MYBPC2: variants seen among roughly 807,000 people sequenced by gnomAD.
The protein encoded by MYBPC2 is myosin binding protein C2.
Under a neutral mutation model 137.0 loss-of-function variants are expected in MYBPC2, and 122 were observed. The ratio of observed to expected loss-of-function variants is 0.89; its 90% CI spans 0.77 to 1.03. The LOEUF (loss-of-function observed/expected upper bound fraction) is 1.03. Ranked by LOEUF, MYBPC2 falls within the 50% of genes least tolerant of loss-of-function variation. The probability of loss-of-function intolerance (pLI) is 0.00; values close to 1 mark genes in which losing one functional copy is unlikely to be tolerated. For synonymous variants in MYBPC2, 626 were observed against 612.3 expected, an observed-to-expected ratio of 1.02 and a Z score of -0.33; for missense variants, 1,500 against 1,534.4, an observed-to-expected ratio of 0.98 and a Z score of 0.37.
At chr19:50,453,531 T>G (rs1417252234) in intron 16 of MYBPC2, among the ~76,000 whole-genome samples, 1 of 151,938 alleles carries the variant, frequency 6.6e-6, no homozygotes. Flanking sequence ...GTTGTTTGGT[T>G]GGTTTCTTTT....
At position 50,465,827 on chromosome 19, in the gene MYBPC2, CAG is replaced by C. The variant is rs1224393425; in HGVS notation, c.3416-365_3416-364del. 2.0e-5 allele frequency among the ~76,000 whole-genome samples: 3 copies of C among 152,142 alleles called. No homozygotes were observed. The highest frequency in any genetic ancestry group is 7.2e-5 in the African/African-American group (3 of 41,432). On this transcript the variant is annotated intron_variant, in intron 27 of 27. Transcript: ENST00000357701. The surrounding 1 kb of genome is among the most constrained non-coding windows in gnomAD (Gnocchi z 4.5). ...ACCACTGCACTCCAGCCTGGTGCAA[CAG>C]AGTGAGACTCTGTCTCAAAAACCAA...
At chr19:50,437,226 G>T (rs1601280915) in intron 5 of MYBPC2, among the ~76,000 whole-genome samples, 3 of 152,050 alleles carry the variant, frequency 2.0e-5, no homozygotes, top group Non-Finnish European at 4.4e-5. Context: ...GGCCTGGGGA[G>T]AAAGACATGG....
intron 1 of MYBPC2, 122 bp downstream of exon 1, chr19:50,433,094 C>G: frequency 7.8e-7 from 1 of 1,278,928 alleles, no homozygotes; most frequent in Admixed American, 2.9e-5. Flanking sequence ...GGAGGAGGCT[C>G]CCTTTGCTGT....
chr19:50,454,362 A>G lies in MYBPC2; in HGVS notation c.2007A>G (p.Pro669=). The G allele has an allele frequency of 6.2e-7, 1 of 1,606,648 alleles. No individual in the cohort carries two copies. The change falls in exon 18 of 28, where the codon CCA becomes CCG. Residue 669 remains proline, a synonymous_variant. Coordinates refer to ENST00000357701, the MANE Select transcript of MYBPC2 (RefSeq NM_004533.4). ...CACCAATGTACGATGGGGGGAAGCCAGTCACCGGTGAGTGCCTCTGTCCTC... is the reference window on the plus strand; with the variant it reads ...CACCAATGTACGATGGGGGGAAGCCGGTCACCGGTGAGTGCCTCTGTCCTC... The part of the protein sequence containing the change: ...WEPPMYDGGK[P]VTGYLVERKK...
At chr19:50,463,577 G>T (rs972407026) in intron 26 of MYBPC2, among the ~76,000 whole-genome samples, 1 of 152,066 alleles carries the variant, frequency 6.6e-6, no homozygotes, top group African/African-American at 2.4e-5. Context: ...TGGGTGATTC[G>T]AACAAGAAAT....
chr19:50,455,343 T>A, intron 19 of MYBPC2, 47 bp downstream of exon 19: 3 of 1,572,612 alleles, frequency 1.9e-6, no homozygotes, highest in Non-Finnish European at 2.6e-6. Flanking sequence ...GATGGATCAC[T>A]CTGATCCATC....
At position 50,435,737 on chromosome 19, in the gene MYBPC2, A is replaced by G. The variant is rs1356394583; in HGVS notation, c.110-39A>G. On this transcript the variant is annotated intron_variant, in intron 2 of 27. Transcript: ENST00000357701. This position sits in a 1 kb window ranked among gnomAD's most constrained non-coding sequence, Gnocchi z 4.8. ...CGGCCCACTGTCCCCTCCCCAGCCT[A>G]TCTCAGACCTCCTCATCCTAATCCT... 1.2e-5 allele frequency: 18 copies of G among 1,543,516 alleles called. No individual in the cohort carries two copies. Among genetic ancestry groups the G allele is most frequent in the Admixed American group, 3.7e-5 (2 of 53,774 alleles).
intron 8 of MYBPC2, among the ~76,000 whole-genome samples, chr19:50,441,910 G>T (rs186878930): frequency 6.6e-6 from 1 of 151,776 alleles, no homozygotes; most frequent in Admixed American, 6.6e-5. Flanking sequence ...AAATAAAGCT[G>T]TTTTCTTCTA....
At chr19:50,436,584 C>A in intron 4 of MYBPC2, 33 bp from the exon 5 acceptor site, 1 of 1,584,198 alleles carries the variant, frequency 6.3e-7, no homozygotes, top group Non-Finnish European at 8.7e-7. Context: ...AGAGGGTGGT[C>A]CCGTGCACCC....
At chr19:50,440,679 A>AAAC (rs2039745106) in intron 7 of MYBPC2, among the ~76,000 whole-genome samples, 2 of 119,714 alleles carry the variant, frequency 1.7e-5, no homozygotes, top group Non-Finnish European at 3.8e-5. Flanking sequence ...AAAAAAAACC[A>AAAC]AAAAACCCAG....
chr19:50,453,896 G>C, intron 16 of MYBPC2, 124 bp from the exon 17 acceptor site: 3 of 1,113,438 alleles, frequency 2.7e-6, no homozygotes, highest in Non-Finnish European at 3.8e-6. Flanking sequence ...GCAGTGGAGC[G>C]AGTGAGGACT....
rs771376263 is a variant in MYBPC2 at position 50,454,393 on chromosome 19, C to T, written c.2014+24C>T. 7 of 1,480,838 alleles carry T rather than the reference C, an allele frequency of 4.7e-6. No individual in the cohort carries two copies. In the South Asian group the frequency reaches 6.2e-5, roughly 13 times the overall value. The allele number at this position is 1,480,838 out of a possible 1,614,324, so 91.7% of individuals were successfully genotyped here. On this transcript the variant is annotated intron_variant, in intron 18 of 27. Transcript: ENST00000357701. Reference sequence around the variant, plus strand: ...CGGTGAGTGCCTCTGTCCTCATGACCTCTGACCTTCCCTCTTTCTGCCTTC... The same window carrying T: ...CGGTGAGTGCCTCTGTCCTCATGACTTCTGACCTTCCCTCTTTCTGCCTTC...
chr19:50,444,999 A>G (rs1442053675), intron 11 of MYBPC2, among the ~76,000 whole-genome samples: 1 of 152,074 alleles, frequency 6.6e-6, no homozygotes, highest in Non-Finnish European at 1.5e-5. Flanking sequence ...TGTGTAGGAG[A>G]AAGAGATAGG....
chr19:50,435,134 C>G lies in MYBPC2; in HGVS notation c.20-27C>G, dbSNP rs2039690349. ...GGCATGGGTGTGCAGACCGCATGCT[C>G]AACTATGACTGTCCCCTACCTTACA... is the stretch of plus-strand genomic sequence containing the variant. On this transcript the variant is annotated intron_variant, in intron 1 of 27. Coordinates refer to ENST00000357701, the MANE Select transcript of MYBPC2 (RefSeq NM_004533.4). This position sits in a 1 kb window ranked among gnomAD's most constrained non-coding sequence, Gnocchi z 4.8. The G allele has an allele frequency of 1.1e-6, 1 of 946,360 alleles. No homozygotes were observed. Among genetic ancestry groups the G allele is most frequent in the African/African-American group, 1.6e-5 (1 of 62,488 alleles). The allele number at this position is 946,360 out of a possible 1,614,324, so 58.6% of individuals were successfully genotyped here. A position where few individuals can be genotyped will look rare whatever the true frequency, so the allele number is the denominator to read the frequency against.
Position 50,440,905 on chromosome 19 carries a change from A to G in MYBPC2, c.598A>G (p.Lys200Glu). The G allele has an allele frequency of 6.2e-7, 1 of 1,613,308 alleles. No individual in the cohort carries two copies. Among genetic ancestry groups the G allele is most frequent in the South Asian group, 1.1e-5 (1 of 91,006 alleles). Residue 200 changes from lysine to glutamate, a missense_variant, in exon 8 of 28, where the codon AAG becomes GAG. Lys to Glu is a moderately conservative substitution (Grantham distance 56, BLOSUM62 1). Transcript: ENST00000357701. Reference protein sequence around the residue: ...KREVVEEEKKKKKKDDDDLGI... With the variant: ...KREVVEEEKKEKKKDDDDLGI... ...GGAGGTGGTGGAGGAGGAGAAGAAG[A>G]AGAAAAAGAAAGATGACGATGACCT...
chr19:50,444,374 T>C (rs2039784818), intron 11 of MYBPC2, among the ~76,000 whole-genome samples: 1 of 152,228 alleles, frequency 6.6e-6, no homozygotes, highest in East Asian at 1.9e-4. Context: ...CATTCATATA[T>C]CCACTCTTCC....
intron 20 of MYBPC2, among the ~76,000 whole-genome samples, 170 bp downstream of exon 20, chr19:50,455,814 T>C (rs2039905137): frequency 6.6e-6 from 1 of 152,210 alleles, no homozygotes; most frequent in African/African-American, 2.4e-5. Flanking sequence ...GTGACTAGTG[T>C]GTTTTCTCTC....
rs1282515825 is a variant in MYBPC2, at chr19:50,466,063, G to A, written c.3416-132G>A. 7.8e-7 allele frequency: 1 copy of A among 1,279,046 alleles called. No individual in the cohort carries two copies. 79.2% of individuals were successfully genotyped at this position (1,279,046 alleles called of 1,614,324 possible). A position where few individuals can be genotyped will look rare whatever the true frequency, so the allele number is the denominator to read the frequency against. ...TGACTCTGGGTTGTCCAGCCACAGT[G>A]GCCTAGGATGGGGCGGGATGGTGAC... is the stretch of plus-strand genomic sequence containing the variant. On this transcript the variant is annotated intron_variant, in intron 27 of 27. Transcript: ENST00000357701. The surrounding 1 kb of genome is among the most constrained non-coding windows in gnomAD (Gnocchi z 4.9).
At position 50,451,910 on chromosome 19, in the gene MYBPC2, T is replaced by C; in HGVS notation, c.1656T>C (p.Asn552=). 1 of 1,586,606 alleles carries C rather than the reference T, an allele frequency of 6.3e-7. No homozygotes were observed. The highest frequency in any genetic ancestry group is 8.6e-7 in the Non-Finnish European group (1 of 1,165,874). The change falls in exon 16 of 28, where the codon AAT becomes AAC. Residue 552 remains asparagine (N), a synonymous_variant. Coordinates refer to ENST00000357701, the MANE Select transcript of MYBPC2 (RefSeq NM_004533.4). ...ATTGCTCGGGGAAGACCTCAGAGAATGCGATTGTGGTTGTGGCTGGAAACA... is the reference window on the plus strand; with the variant it reads ...ATTGCTCGGGGAAGACCTCAGAGAACGCGATTGTGGTTGTGGCTGGAAACA... ...HLDCSGKTSE[N]AIVVVAGNKL...
Sources: gnomAD v4.1 joint callset for allele counts (sites outside exome capture counted in the v4.1 genomes callset) on GRCh38, gnomAD v4.1.1 for gene constraint, Gnocchi (gnomAD v3.1) non-coding constraint, MANE v1.5 for transcripts, NCBI Gene and HGNC (gene_info 2026-07-23, HGNC 2026-07-21) for gene names.